Variants in RBFOX1 observed in about 807,000 individuals in gnomAD.
RBFOX1 encodes the protein RNA binding fox-1 homolog 1.
RBFOX1 carries 8 observed loss-of-function variants against 57.7 expected under a neutral mutation model. The observed-to-expected ratio is 0.14, with a 90% CI of 0.08 to 0.25. The LOEUF (loss-of-function observed/expected upper bound fraction) is 0.25. Among genes scored for constraint, RBFOX1 ranks in the 10% least tolerant of loss-of-function variants. The pLI is 1.00. For synonymous variants in RBFOX1, 326 were observed against 222.4 expected, an observed-to-expected ratio of 1.47 and a Z score of -4.15; for missense variants, 611 against 548.5, an observed-to-expected ratio of 1.11 and a Z score of -1.14.
chr16:5,495,903 A>C (rs1279801547), intron 2 of RBFOX1, among the ~76,000 whole-genome samples: 1 of 152,234 alleles, frequency 6.6e-6, no homozygotes, highest in African/African-American at 2.4e-5. Context: ...AGGCGGGCAG[A>C]TCACCTGAGG....
At chr16:6,628,203 T>C (rs1195833135) in intron 2 of RBFOX1, among the ~76,000 whole-genome samples, 1 of 152,206 alleles carries the variant, frequency 6.6e-6, no homozygotes, top group African/African-American at 2.4e-5. Context: ...CTCACCAGTC[T>C]CCCTGGGGGT....
At chr16:5,705,470 C>T (rs913186237) in intron 3 of RBFOX1, among the ~76,000 whole-genome samples, 1 of 152,094 alleles carries the variant, frequency 6.6e-6, no homozygotes, top group Non-Finnish European at 1.5e-5. Flanking sequence ...ACTATATTGC[C>T]CAGGCTGGTT....
At chr16:7,447,801 T>C (rs2098820331) in intron 4 of RBFOX1, among the ~76,000 whole-genome samples, 1 of 152,254 alleles carries the variant, frequency 6.6e-6, no homozygotes, top group African/African-American at 2.4e-5. Context: ...GGTCTTGTTA[T>C]GGGAAAGCAG....
At chr16:7,208,254 C>A (rs548216240) in intron 4 of RBFOX1, among the ~76,000 whole-genome samples, 6 of 152,188 alleles carry the variant, frequency 3.9e-5, no homozygotes, top group Non-Finnish European at 8.8e-5. Context: ...ATGTTGAAAT[C>A]CTGGCTCCCT....
chr16:6,841,624 G>A (rs889367629), intron 3 of RBFOX1, among the ~76,000 whole-genome samples: 6 of 152,194 alleles, frequency 3.9e-5, no homozygotes, highest in Admixed American at 2.6e-4. Context: ...AAACTCTCAC[G>A]AATGCTTTTG....
chr16:5,583,382 C>T (rs550799827), intron 2 of RBFOX1, among the ~76,000 whole-genome samples: 21 of 152,328 alleles, frequency 1.4e-4, no homozygotes, highest in African/African-American at 5.1e-4. Flanking sequence ...CCAATCCCAG[C>T]GGCCATACTT....
chr16:7,272,088 T>C (rs768773735), intron 4 of RBFOX1, among the ~76,000 whole-genome samples: 12 of 152,228 alleles, frequency 7.9e-5, no homozygotes, highest in Non-Finnish European at 1.3e-4. Context: ...ATCCCCATTG[T>C]CGGCGTTTGT....
chr16:5,377,940 C>T (rs971153362), intron 1 of RBFOX1, among the ~76,000 whole-genome samples: 1 of 151,516 alleles, frequency 6.6e-6, no homozygotes, highest in African/African-American at 2.4e-5. Flanking sequence ...CTAATGGGAG[C>T]CTATTCAGGT....
At chr16:7,018,343 C>T (rs758914693) in intron 3 of RBFOX1, among the ~76,000 whole-genome samples, 1 of 152,140 alleles carries the variant, frequency 6.6e-6, no homozygotes, top group African/African-American at 2.4e-5. Context: ...GGAGTTGTTT[C>T]AGGCCACCTC....
chr16:6,345,351 A>C (rs556321417), intron 2 of RBFOX1, among the ~76,000 whole-genome samples: 75 of 152,276 alleles, frequency 4.9e-4, no homozygotes, highest in African/African-American at 1.8e-3. Context: ...AGCAATATTT[A>C]TGCCCACTTT....
intron 1 of RBFOX1, among the ~76,000 whole-genome samples, chr16:5,355,606 G>A (rs1447878918): frequency 6.6e-6 from 1 of 152,182 alleles, no homozygotes; most frequent in East Asian, 1.9e-4. Context: ...TAGGAAGACA[G>A]AAGGAGCTTT....
chr16:5,537,522 A>G (rs761674247), intron 2 of RBFOX1, among the ~76,000 whole-genome samples: 2 of 152,170 alleles, frequency 1.3e-5, no homozygotes, highest in Non-Finnish European at 2.9e-5. Flanking sequence ...GGAGGGGGGA[A>G]TCTGTTTCCT....
intron 3 of RBFOX1, among the ~76,000 whole-genome samples, chr16:6,718,874 G>GT (rs1369865846): frequency 1.3e-5 from 2 of 151,802 alleles, no homozygotes; most frequent in Non-Finnish European, 2.9e-5. Context: ...GTTGTTGCTT[G>GT]TTTTTTGAGA....
chr16:5,840,778 G>A (rs778694449), intron 3 of RBFOX1, among the ~76,000 whole-genome samples: 1 of 152,162 alleles, frequency 6.6e-6, no homozygotes, highest in Admixed American at 6.5e-5. Flanking sequence ...TGGGGATGCA[G>A]TGAGTTCCCT....
At chr16:7,419,793 C>G (rs972747697) in intron 4 of RBFOX1, among the ~76,000 whole-genome samples, 1 of 152,206 alleles carries the variant, frequency 6.6e-6, no homozygotes, top group Non-Finnish European at 1.5e-5. Context: ...ACATCGCACA[C>G]TGAAGAAATA....
intron 4 of RBFOX1, among the ~76,000 whole-genome samples, chr16:7,315,782 G>C (rs910536397): frequency 1.3e-5 from 2 of 151,922 alleles, no homozygotes; most frequent in Non-Finnish European, 2.9e-5. Context: ...TTGTATTTTT[G>C]TTTGTTCTCT....
chr16:6,726,812 C>G (rs756822659), intron 3 of RBFOX1, among the ~76,000 whole-genome samples: 21 of 151,952 alleles, frequency 1.4e-4, no homozygotes, highest in Non-Finnish European at 2.9e-4. Context: ...CCTAATATAT[C>G]TGGCTAGTTT....
intron 1 of RBFOX1, among the ~76,000 whole-genome samples, chr16:5,415,126 G>T (rs1019240060): frequency 2.0e-5 from 3 of 152,226 alleles, no homozygotes; most frequent in South Asian, 4.2e-4. Flanking sequence ...CCTTTCTCAC[G>T]CTGTTCTAAA....
intron 1 of RBFOX1, among the ~76,000 whole-genome samples, chr16:6,312,244 G>A (rs190130121): frequency 2.4e-4 from 37 of 152,288 alleles, no homozygotes; most frequent in African/African-American, 8.7e-4. Context: ...GTCAGGAGGT[G>A]TTCTAGGTCC....
Sources: allele counts gnomAD v4.1 joint callset (sites outside exome capture counted in the v4.1 genomes callset), GRCh38; gene constraint gnomAD v4.1.1; transcripts MANE v1.5; gene names NCBI Gene and HGNC (gene_info 2026-07-23, HGNC 2026-07-21).